Variants in HYCC1 observed in about 807,000 individuals in gnomAD.
HYCC1 encodes hyccin PI4KA lipid kinase complex subunit 1, also known as hyccin.
chr7:22,927,008 A>G, the HYCC1 span, among the ~76,000 whole-genome samples: 287 of 152,372 alleles, frequency 1.9e-3, no homozygotes, highest in African/African-American at 6.7e-3. Context: ...GCAATGAACT[A>G]GAACTCAGGA....
chr7:22,917,427 T>G, the HYCC1 span, among the ~76,000 whole-genome samples: 1 of 152,152 alleles, frequency 6.6e-6, no homozygotes, highest in Non-Finnish European at 1.5e-5. Flanking sequence ...CTACGACTCC[T>G]GAGGGATTGT....
At chr7:22,991,814 G>C in the HYCC1 span, among the ~76,000 whole-genome samples, 3 of 151,972 alleles carry the variant, frequency 2.0e-5, no homozygotes, top group African/African-American at 7.2e-5. Flanking sequence ...GAGTAGACTT[G>C]GAAACTATTT....
At chr7:22,917,430 G>A in the HYCC1 span, among the ~76,000 whole-genome samples, 1 of 152,238 alleles carries the variant, frequency 6.6e-6, no homozygotes, top group Non-Finnish European at 1.5e-5. Context: ...CGACTCCTGA[G>A]GGATTGTTCA....
chr7:22,962,018 A>G, the HYCC1 span, among the ~76,000 whole-genome samples: 4 of 152,160 alleles, frequency 2.6e-5, no homozygotes, highest in African/African-American at 7.2e-5. Flanking sequence ...CAAGAGTGCA[A>G]GCGAGGCCTA....
chr7:22,998,441 T>C, the HYCC1 span, among the ~76,000 whole-genome samples: 3 of 152,174 alleles, frequency 2.0e-5, no homozygotes, highest in African/African-American at 7.2e-5. Flanking sequence ...GACATTAACA[T>C]AGCACATGAC....
chr7:22,969,514 G>GTT, the HYCC1 span, among the ~76,000 whole-genome samples: 1 of 112,078 alleles, frequency 8.9e-6, no homozygotes, highest in African/African-American at 3.4e-5. Flanking sequence ...AAATTTGGGT[G>GTT]TTTTTTTTTG....
the HYCC1 span, chr7:22,934,544 A>G: frequency 1.3e-5 from 2 of 152,224 alleles, no homozygotes; most frequent in African/African-American, 4.8e-5. Context: ...GGGAGTCCCC[A>G]AGACCACGCC....
chr7:22,930,924 A>G, the HYCC1 span, among the ~76,000 whole-genome samples: 1 of 152,126 alleles, frequency 6.6e-6, no homozygotes, highest in Non-Finnish European at 1.5e-5. Context: ...ACATCTGACA[A>G]AATTCAACAT....
the HYCC1 span, among the ~76,000 whole-genome samples, chr7:22,975,953 C>G: frequency 6.6e-6 from 1 of 152,146 alleles, no homozygotes; most frequent in Non-Finnish European, 1.5e-5. Flanking sequence ...CTCCTGGGTT[C>G]ACGCAATACT....
chr7:23,013,779 G>C, the HYCC1 span: 1 of 351,988 alleles, frequency 2.8e-6, no homozygotes, highest in Non-Finnish European at 5.8e-6. Context: ...CGCGGGAGCC[G>C]TTACCCCCAG....
the HYCC1 span, among the ~76,000 whole-genome samples, chr7:22,999,941 C>T: frequency 1.3e-5 from 2 of 151,934 alleles, no homozygotes; most frequent in African/African-American, 4.8e-5. Flanking sequence ...ATCAGAAATA[C>T]ACAAAATCAA....
the HYCC1 span, among the ~76,000 whole-genome samples, chr7:22,954,213 G>C: frequency 2.0e-5 from 3 of 150,760 alleles, no homozygotes; most frequent in East Asian, 3.9e-4. Context: ...AACCTTAAAT[G>C]CTTAAAAATA....
chr7:22,944,134 T>C, the HYCC1 span: 1 of 152,186 alleles, frequency 6.6e-6, no homozygotes, highest in Non-Finnish European at 1.5e-5. Context: ...CAAGGGACTA[T>C]GAAGAAGGAA....
At chr7:22,960,111 T>C in the HYCC1 span, 5 of 789,486 alleles carry the variant, frequency 6.3e-6, no homozygotes, top group Admixed American at 9.7e-5. Context: ...TGCTCCTAGA[T>C]AATAAATTAG....
the HYCC1 span, among the ~76,000 whole-genome samples, chr7:22,982,103 C>T: frequency 6.6e-6 from 1 of 151,722 alleles, no homozygotes; most frequent in Non-Finnish European, 1.5e-5. Context: ...TGATCAACAA[C>T]ATTTGTTAAA....
the HYCC1 span, among the ~76,000 whole-genome samples, chr7:22,994,922 C>T: frequency 1.3e-5 from 2 of 152,202 alleles, no homozygotes. Context: ...TTGCTCCCAT[C>T]TCCCATCCCA....
chr7:22,913,343 A>G, the HYCC1 span, among the ~76,000 whole-genome samples: 4 of 152,220 alleles, frequency 2.6e-5, no homozygotes, highest in African/African-American at 9.7e-5. Flanking sequence ...CAGAGAGCTT[A>G]ACAGAGAAAC....
the HYCC1 span, among the ~76,000 whole-genome samples, chr7:22,905,384 G>GTTTTTTTTTTTTTTT: frequency 1.6e-5 from 1 of 62,404 alleles, no homozygotes; most frequent in African/African-American, 6.7e-5. Context: ...GGCTAATTTT[G>GTTTTTTTTTTTTTTT]TATTTTTTTT....
At chr7:22,982,824 G>A in the HYCC1 span, among the ~76,000 whole-genome samples, 1 of 147,400 alleles carries the variant, frequency 6.8e-6, no homozygotes, top group Non-Finnish European at 1.5e-5. Context: ...GCCCACCATG[G>A]TTATGTCCTA....
Sources: allele counts gnomAD v4.1 joint callset (sites outside exome capture counted in the v4.1 genomes callset), GRCh38; gene constraint gnomAD v4.1.1; transcripts MANE v1.5; gene names NCBI Gene and HGNC (gene_info 2026-07-23, HGNC 2026-07-21).